GLYATL2: variants seen among roughly 807,000 people sequenced by gnomAD.
GLYATL2 encodes glycine N-acyltransferase-like protein 2.
Under a neutral mutation model 21.4 loss-of-function variants are expected in GLYATL2, and 25 were observed. The observed-to-expected ratio is 1.17, with a 90% CI of 0.85 to 1.63. GLYATL2 has a LOEUF of 1.63. Among genes scored for constraint, GLYATL2 ranks in the 40% most tolerant of loss-of-function variants. The pLI is 0.00. For synonymous variants in GLYATL2, 114 were observed against 118.2 expected, an observed-to-expected ratio of 0.96 and a Z score of 0.23; for missense variants, 361 against 343.3, an observed-to-expected ratio of 1.05 and a Z score of -0.41.
chr11:58,855,676 T>C (rs1157635575), intron 1 of GLYATL2, among the ~76,000 whole-genome samples: 2 of 152,254 alleles, frequency 1.3e-5, no homozygotes, highest in South Asian at 2.1e-4. Flanking sequence ...CTGAAAGTCC[T>C]TGATGGCATC....
Position 58,851,601 on chromosome 11 carries a change from C to T in GLYATL2, n.61-13233G>A, listed in dbSNP as rs368785021. ...AAAAAAGATAGACAATTGAGTTGGC[C>T]TTCTTCCAAAGAATTGTATTACATA... On this transcript the variant is annotated intron_variant and non_coding_transcript_variant, in intron 1 of 4. Transcript: ENST00000533636. Among the ~76,000 whole-genome samples the T allele has an allele frequency of 4.2e-4, 64 of 152,218 alleles. 2 individuals are homozygous for T. In the South Asian group the frequency reaches 0.013, roughly 31 times the overall value.
upstream of GLYATL2, among the ~76,000 whole-genome samples, chr11:58,846,545 T>C (rs767675833): frequency 7.9e-5 from 12 of 151,748 alleles, no homozygotes; most frequent in Non-Finnish European, 1.3e-4. Flanking sequence ...ACAGCAATTA[T>C]GAGGCATTGA....
chr11:58,886,084 TA>T (rs2134617287), intron 1 of GLYATL2, among the ~76,000 whole-genome samples: 1 of 152,178 alleles, frequency 6.6e-6, no homozygotes, highest in South Asian at 2.1e-4. Flanking sequence ...GGCATGGTGG[TA>T]CATGTTTATA....
chr11:58,901,610 T>C (rs1854741376), intron 1 of GLYATL2, among the ~76,000 whole-genome samples: 2 of 151,430 alleles, frequency 1.3e-5, no homozygotes, highest in African/African-American at 4.9e-5. Context: ...AGGAATTTGC[T>C]CAAGGTCTCC....
chr11:58,852,860 G>C (rs657792), intron 1 of GLYATL2, among the ~76,000 whole-genome samples: 135,035 of 152,196 alleles, frequency 0.89, 61,063 homozygotes, highest in Non-Finnish European at 0.98. Flanking sequence ...TGGTCCTTAA[G>C]AGTTGCTCTC....
intron 1 of GLYATL2, among the ~76,000 whole-genome samples, chr11:58,852,574 G>C (rs1286212173): frequency 1.3e-5 from 2 of 152,206 alleles, no homozygotes; most frequent in Non-Finnish European, 2.9e-5. Flanking sequence ...TTGAGATAGA[G>C]ATAGGGTAAA....
chr11:58,883,930 C>T (rs201111767), intron 1 of GLYATL2, among the ~76,000 whole-genome samples: 16 of 152,270 alleles, frequency 1.1e-4, no homozygotes, highest in African/African-American at 2.9e-4. Flanking sequence ...AATCAATAAA[C>T]GTAATCCATC....
chr11:58,840,153 T>C (rs1199451570), intron 1 of GLYATL2, among the ~76,000 whole-genome samples: 1 of 152,038 alleles, frequency 6.6e-6, no homozygotes, highest in East Asian at 1.9e-4. Flanking sequence ...CCTTTTCTCC[T>C]AAGGAACAAA....
intron 1 of GLYATL2, among the ~76,000 whole-genome samples, chr11:58,902,513 A>T (rs1030635313): frequency 5.3e-5 from 8 of 152,174 alleles, no homozygotes; most frequent in African/African-American, 1.7e-4. Context: ...GCAACTCTAA[A>T]TACAGACATC....
intron 1 of GLYATL2, among the ~76,000 whole-genome samples, chr11:58,871,751 C>T (rs1242148876): frequency 1.3e-5 from 2 of 152,072 alleles, no homozygotes; most frequent in East Asian, 1.9e-4. Context: ...CATATGTGTG[C>T]ATGTGTCTTT....
intron 1 of GLYATL2, among the ~76,000 whole-genome samples, chr11:58,891,376 G>A (rs902198498): frequency 2.0e-5 from 3 of 152,130 alleles, no homozygotes; most frequent in African/African-American, 7.2e-5. Flanking sequence ...AAATTACCCA[G>A]AATGCTACCA....
chr11:58,874,861 G>A lies in GLYATL2; in HGVS notation n.60+29295C>T, dbSNP rs998196599. Among the ~76,000 whole-genome samples, 401 of 152,212 alleles carry A rather than the reference G, an allele frequency of 2.6e-3. 1 individual carries two copies. Among genetic ancestry groups the A allele is most frequent in the African/African-American group, 3.5e-3 (144 of 41,530 alleles). On this transcript the variant is annotated intron_variant and non_coding_transcript_variant, in intron 1 of 4. Coordinates refer to the GLYATL2 transcript ENST00000533636. ...GGTATCCTTGTTGACTTTCTGTCTC[G>A]TTGATCTGTCTAATGTTGACAGTGG...
intron 1 of GLYATL2, among the ~76,000 whole-genome samples, chr11:58,889,290 T>C (rs1854498624): frequency 6.6e-6 from 1 of 151,996 alleles, no homozygotes; most frequent in Non-Finnish European, 1.5e-5. Flanking sequence ...TTTTTGTGTT[T>C]TTTCAAAGTC....
At chr11:58,845,619 C>G (rs1011334984), upstream of GLYATL2, among the ~76,000 whole-genome samples, 2 of 152,034 alleles carry the variant, frequency 1.3e-5, no homozygotes, top group Admixed American at 6.6e-5. Flanking sequence ...AAAAATTCAC[C>G]CACTTTCTGG....
chr11:58,836,801 T>A (rs1004167763), intron 5 of GLYATL2, among the ~76,000 whole-genome samples: 1 of 152,198 alleles, frequency 6.6e-6, no homozygotes, highest in Non-Finnish European at 1.5e-5. Context: ...AAGGACGTTG[T>A]GAGCCCTAAG....
intron 1 of GLYATL2, among the ~76,000 whole-genome samples, chr11:58,896,188 C>T (rs1469904779): frequency 1.3e-5 from 2 of 152,098 alleles, no homozygotes; most frequent in African/African-American, 2.4e-5. Context: ...CCTGTGCAGG[C>T]GACATGGCAC....
intron 1 of GLYATL2, among the ~76,000 whole-genome samples, chr11:58,877,859 A>T (rs1370844617): frequency 6.6e-6 from 1 of 152,128 alleles, no homozygotes; most frequent in African/African-American, 2.4e-5. Context: ...TCTGAGAAGG[A>T]CTCTGTACTT....
upstream of GLYATL2, chr11:58,905,597 C>T (rs1854848513): frequency 8.8e-6 from 4 of 456,212 alleles, no homozygotes; most frequent in South Asian, 4.6e-5. Flanking sequence ...CCTTGGCTTC[C>T]ACTGGGAGAC....
chr11:58,839,584 A>G lies in GLYATL2; in HGVS notation c.29T>C (p.Leu10Pro). Residue 10 changes from leucine to proline, a missense_variant, in exon 2 of 6, where the codon CTG (leucine) becomes CCG (proline). Coordinates refer to ENST00000287275, the MANE Select transcript of GLYATL2 (RefSeq NM_145016.4). MLVLHNSQK[L>P]QILYKSLEKS... Reference sequence around the variant, plus strand: ...TTCTAAGGATTTATACAGAATCTGCAGCTTCTGAGAGTTATGAAGCACAAG... The same window carrying G: ...TTCTAAGGATTTATACAGAATCTGCGGCTTCTGAGAGTTATGAAGCACAAG... 1 of 1,611,770 alleles carries G rather than the reference A, an allele frequency of 6.2e-7. No homozygotes were observed. Among genetic ancestry groups the G allele is most frequent in the Non-Finnish European group, 8.5e-7 (1 of 1,178,536 alleles).
Sources: gnomAD v4.1 joint callset for allele counts (sites outside exome capture counted in the v4.1 genomes callset) on GRCh38, gnomAD v4.1.1 for gene constraint, MANE v1.5 for transcripts, NCBI Gene and HGNC (gene_info 2026-07-23, HGNC 2026-07-21) for gene names.